The following IGFBP1 variants were observed in gnomAD, a reference collection of about 807,000 sequenced individuals.
The protein encoded by IGFBP1 is insulin like growth factor binding protein 1.
A neutral mutation model predicts 23.1 loss-of-function variants in IGFBP1; 31 were observed. That is an observed-to-expected ratio of 1.34 (90% CI 1.01 to 1.81). The LOEUF is 1.81. IGFBP1 is among the 40% of genes most tolerant of loss of function. The pLI, the probability that IGFBP1 is intolerant of heterozygous loss-of-function variation, is 0.00. For missense variants in IGFBP1, 333 were observed against 342.2 expected (o/e 0.97, Z 0.21); for synonymous variants, 148 against 145.5 (o/e 1.02, Z -0.13).
At chr7:45,892,426 G>C (rs559296763) in intron 3 of IGFBP1, among the ~76,000 whole-genome samples, 4 of 152,182 alleles carry the variant, frequency 2.6e-5, no homozygotes, top group Non-Finnish European at 5.9e-5. Context: ...ACTTAGAAAA[G>C]CAAGTATCTA....
At position 45,888,795 on chromosome 7, in the gene IGFBP1, G is replaced by A. The variant is rs537400616; in HGVS notation, c.143G>A (p.Cys48Tyr). Residue 48 changes from cysteine to tyrosine, a missense_variant, in exon 1 of 4, where the codon TGC (cysteine) becomes TAC (tyrosine). Physicochemically the swap from Cys to Tyr is radical, Grantham distance 194. Coordinates refer to ENST00000275525, the MANE Select transcript of IGFBP1 (RefSeq NM_000596.4). ...LALCPPVSAS[C>Y]SEVTRSAGCG... The stretch of plus-strand genomic sequence containing the variant: ...CTCTGCCCGCCGGTGTCCGCCTCGT[G>A]CTCGGAGGTCACCCGGTCCGCCGGC... The A allele has an allele frequency of 1.1e-5, 18 of 1,575,012 alleles. No individual in the cohort carries two copies. In the South Asian group the frequency reaches 1.6e-4, roughly 14 times the overall value.
At chr7:45,890,812 C>A in intron 2 of IGFBP1, 95 bp downstream of exon 2, 2 of 1,048,844 alleles carry the variant, frequency 1.9e-6, no homozygotes, top group Non-Finnish European at 2.7e-6. Flanking sequence ...CCTTCCTGGT[C>A]CTGATGCCCT....
At chr7:45,892,431 T>TA (rs1309366943) in intron 3 of IGFBP1, among the ~76,000 whole-genome samples, 2 of 152,210 alleles carry the variant, frequency 1.3e-5, no homozygotes, top group Non-Finnish European at 2.9e-5. Flanking sequence ...GAAAAGCAAG[T>TA]ATCTATTTGG....
intron 3 of IGFBP1, 124 bp from the exon 4 acceptor site, chr7:45,892,836 C>T (rs1057469506): frequency 1.4e-5 from 12 of 844,654 alleles, no homozygotes; most frequent in African/African-American, 3.4e-5. Context: ...CAGCTGGTTT[C>T]ACAGCCGGGA....
chr7:45,891,802 T>G (rs964401139), intron 2 of IGFBP1, 130 bp from the exon 3 acceptor site: 4 of 781,446 alleles, frequency 5.1e-6, no homozygotes, highest in Non-Finnish European at 6.1e-6. Context: ...ACATGACACC[T>G]AGTCCCAGGT....
rs562004297 is a variant in IGFBP1, at chr7:45,892,075, C to T, written c.648+15C>T. 7 of 1,613,516 alleles carry T rather than the reference C, an allele frequency of 4.3e-6. No individual in the cohort carries two copies. In the East Asian group the frequency reaches 6.7e-5, roughly 15 times the overall value. On this transcript the variant is annotated intron_variant, in intron 3 of 3. Coordinates refer to ENST00000275525, the MANE Select transcript of IGFBP1 (RefSeq NM_000596.4). ...ACAGCAGACAGGTAGGTGGCCTTGC[C>T]AGTGTGCGTCGTCAGGGTGAAAGGG...
chr7:45,889,135 A>G, intron 1 of IGFBP1, 134 bp downstream of exon 1: 4 of 665,268 alleles, frequency 6.0e-6, no homozygotes, highest in Non-Finnish European at 9.5e-6. Context: ...GCTTGAAACC[A>G]GAGCACGTAG....
chr7:45,890,499 G>T (rs540178899), intron 1 of IGFBP1, 49 bp from the exon 2 acceptor site: 1 of 1,547,156 alleles, frequency 6.5e-7, no homozygotes, highest in South Asian at 1.3e-5. Flanking sequence ...GCCCGAAAGG[G>T]GCAGATGCTT....
Position 45,888,920 on chromosome 7 carries a change from G to C in IGFBP1, c.268G>C (p.Glu90Gln). The C allele has an allele frequency of 6.6e-7, 1 of 1,507,784 alleles. No homozygotes were observed. The highest frequency in any genetic ancestry group is 8.8e-7 in the Non-Finnish European group (1 of 1,138,372). The allele number at this position is 1,507,784 out of a possible 1,614,324, so 93.4% of individuals were successfully genotyped here. The change falls in exon 1 of 4, where the codon GAG becomes CAG. Residue 90 changes from glutamate to glutamine, a missense_variant. Coordinates refer to ENST00000275525, the MANE Select transcript of IGFBP1 (RefSeq NM_000596.4). ...RGLSCRALPG[E>Q]QQPLHALTRG... Reference sequence around the variant, plus strand: ...ACTCAGTTGCCGCGCGCTGCCGGGGGAGCAGCAACCTCTGCACGCCCTCAC... The same window carrying C: ...ACTCAGTTGCCGCGCGCTGCCGGGGCAGCAGCAACCTCTGCACGCCCTCAC...
Position 45,888,592 on chromosome 7 carries a change from C to A in IGFBP1, c.-61C>A. The A allele has an allele frequency of 1.4e-6, 2 of 1,454,472 alleles. No individual in the cohort carries two copies. Among genetic ancestry groups the A allele is most frequent in the Non-Finnish European group, 1.9e-6 (2 of 1,070,742 alleles). 90.1% of individuals were successfully genotyped at this position (1,454,472 alleles called of 1,614,324 possible). A position where few individuals can be genotyped will look rare whatever the true frequency, so the allele number is the denominator to read the frequency against. ...CACCATCACTTGCCCAGAGTTTGGGCCACCGCCCGCCGCCACCAGCCCAGA... is the reference window on the plus strand; with the variant it reads ...CACCATCACTTGCCCAGAGTTTGGGACACCGCCCGCCGCCACCAGCCCAGA... On this transcript the variant is annotated 5_prime_UTR_variant, in exon 1 of 4. Coordinates refer to ENST00000275525, the MANE Select transcript of IGFBP1 (RefSeq NM_000596.4).
Position 45,890,665 on chromosome 7 carries a change from G to A in IGFBP1, c.467G>A (p.Ser156Asn), listed in dbSNP as rs1284427013. 1.2e-6 allele frequency: 2 copies of A among 1,613,550 alleles called. No individual in the cohort carries two copies. Among genetic ancestry groups the A allele is most frequent in the South Asian group, 2.2e-5 (2 of 91,028 alleles). Reference sequence around the variant, plus strand: ...CATTCCATCCTTTGGGACGCCATCAGTACCTATGATGGCTCGAAGGCTCTC... The same window carrying A: ...CATTCCATCCTTTGGGACGCCATCAATACCTATGATGGCTCGAAGGCTCTC... ...EDHSILWDAISTYDGSKALHV... is the reference protein window; with the variant it reads ...EDHSILWDAINTYDGSKALHV... Residue 156 changes from serine (S) to asparagine (N), a missense_variant, in exon 2 of 4, where the codon AGT becomes AAT. By Grantham distance (46) the Ser-to-Asn change is conservative (BLOSUM62 1). Coordinates refer to ENST00000275525, the MANE Select transcript of IGFBP1 (RefSeq NM_000596.4).
chr7:45,893,195 T>TAC lies in IGFBP1; in HGVS notation c.*105_*106insCA. The TAC allele has an allele frequency of 4.1e-6, 2 of 489,146 alleles. No homozygotes were observed. The highest frequency in any genetic ancestry group is 6.1e-6 in the Non-Finnish European group (2 of 325,904). The allele number at this position is 489,146 out of a possible 1,614,324, so 30.3% of individuals were successfully genotyped here. A position where few individuals can be genotyped will look rare whatever the true frequency, so the allele number is the denominator to read the frequency against. ...ATATATATGTATATGTATATATATA[T>TAC]AGTAACTACTTTTTATACTCCATAC... On this transcript the variant is annotated 3_prime_UTR_variant, in exon 4 of 4. Coordinates refer to ENST00000275525, the MANE Select transcript of IGFBP1 (RefSeq NM_000596.4).
intron 2 of IGFBP1, among the ~76,000 whole-genome samples, chr7:45,891,223 C>T (rs777943394): frequency 6.6e-5 from 10 of 152,172 alleles, no homozygotes; most frequent in Non-Finnish European, 1.3e-4. Context: ...AACTGAAGCT[C>T]GGAACTCATT....
At position 45,890,732 on chromosome 7, in the gene IGFBP1, G is replaced by A. The variant is rs1017361647; in HGVS notation, c.519+15G>A. On this transcript the variant is annotated intron_variant, in intron 2 of 3. Coordinates refer to ENST00000275525, the MANE Select transcript of IGFBP1 (RefSeq NM_000596.4). ...AAAAATGGAAGGTGAGGCCCAGCAGGTGGGTGGTGGGAACTCTCCTGTCAG... is the reference window on the plus strand; with the variant it reads ...AAAAATGGAAGGTGAGGCCCAGCAGATGGGTGGTGGGAACTCTCCTGTCAG... The A allele has an allele frequency of 6.3e-7, 1 of 1,585,838 alleles. No individual in the cohort carries two copies. Among genetic ancestry groups the A allele is most frequent in the Non-Finnish European group, 8.6e-7 (1 of 1,165,968 alleles).
chr7:45,888,763 G>C lies in IGFBP1; in HGVS notation c.111G>C (p.Lys37Asn). 1 of 1,575,984 alleles carries C rather than the reference G, an allele frequency of 6.3e-7. No homozygotes were observed. The highest frequency in any genetic ancestry group is 1.3e-5 in the African/African-American group (1 of 74,100). ...AGTGCGCGCCCTGCTCCGCCGAGAA[G>C]CTCGCGCTCTGCCCGCCGGTGTCCG... ...PWQCAPCSAE[K>N]LALCPPVSAS... The change falls in exon 1 of 4, where the codon AAG (lysine) becomes AAC (asparagine). Residue 37 changes from lysine to asparagine, a missense_variant. Transcript: ENST00000275525.
At chr7:45,890,334 T>C (rs1186052356) in intron 1 of IGFBP1, among the ~76,000 whole-genome samples, 2 of 152,198 alleles carry the variant, frequency 1.3e-5, no homozygotes, top group Non-Finnish European at 2.9e-5. Context: ...AACTTACTAT[T>C]GTCAGGAACA....
Position 45,888,849 on chromosome 7 carries a change from C to G in IGFBP1, c.197C>G (p.Pro66Arg), listed in dbSNP as rs1489480063. The G allele has an allele frequency of 1.3e-6, 2 of 1,523,284 alleles. No homozygotes were observed. The highest frequency in any genetic ancestry group is 1.7e-6 in the Non-Finnish European group (2 of 1,144,656). 94.4% of individuals were successfully genotyped at this position (1,523,284 alleles called of 1,614,324 possible). A position where few individuals can be genotyped will look rare whatever the true frequency, so the allele number is the denominator to read the frequency against. The change falls in exon 1 of 4, where the codon CCT (proline) becomes CGT (arginine). Residue 66 changes from proline to arginine, a missense_variant. Transcript: ENST00000275525. ...GCGCCPMCAL[P>R]LGAACGVATA... ...GGCTGTTGCCCGATGTGCGCCCTGC[C>G]TCTGGGCGCCGCGTGCGGCGTGGCG...
At chr7:45,890,430 G>A (rs1787059489) in intron 1 of IGFBP1, 118 bp from the exon 2 acceptor site, 3 of 1,017,978 alleles carry the variant, frequency 2.9e-6, no homozygotes, top group Non-Finnish European at 4.3e-6. Context: ...TCAGGTTAGG[G>A]AATGTGGCCA....
chr7:45,893,274 C>T lies in IGFBP1; in HGVS notation c.*183C>T, dbSNP rs1245114160. The T allele has an allele frequency of 4.2e-6, 1 of 238,010 alleles. No individual in the cohort carries two copies. Among genetic ancestry groups the T allele is most frequent in the Non-Finnish European group, 7.8e-6 (1 of 128,100 alleles). The allele number at this position is 238,010 out of a possible 1,614,324, so 14.7% of individuals were successfully genotyped here. ...ATTCACTGTAAGTTTATTTTTTCTA[C>T]ACAGTAAAAACTTGTACTATGTTAA... On this transcript the variant is annotated 3_prime_UTR_variant, in exon 4 of 4. Coordinates refer to ENST00000275525, the MANE Select transcript of IGFBP1 (RefSeq NM_000596.4).
Sources: allele counts gnomAD v4.1 joint callset (sites outside exome capture counted in the v4.1 genomes callset), GRCh38; gene constraint gnomAD v4.1.1; transcripts MANE v1.5; gene names NCBI Gene and HGNC (gene_info 2026-07-23, HGNC 2026-07-21).